The following XRN1 variants were observed in gnomAD, a reference collection of about 807,000 sequenced individuals.
XRN1 encodes the protein 5'-3' exoribonuclease 1, also known as strand-exchange protein 1 homolog.
Under a neutral mutation model 222.3 loss-of-function variants are expected in XRN1, and 67 were observed. The observed-to-expected ratio is 0.30, with a 90% CI of 0.25 to 0.37. XRN1 has a LOEUF of 0.37. Ranked by LOEUF, XRN1 falls within the 10% of genes least tolerant of loss-of-function variation. The probability of loss-of-function intolerance (pLI) is 1.00; values close to 1 mark genes in which losing one functional copy is unlikely to be tolerated. For missense variants in XRN1, 1,707 were observed against 2,000.2 expected, an observed-to-expected ratio of 0.85 and a Z score of 2.80; for synonymous variants, 643 against 652.4, an observed-to-expected ratio of 0.99 and a Z score of 0.22.
At chr3:142,370,352 C>A (rs1480521197) in intron 27 of XRN1, 133 bp downstream of exon 27, 1 of 1,153,794 alleles carries the variant, frequency 8.7e-7, no homozygotes, top group African/African-American at 1.6e-5. Context: ...TTTTAAATTA[C>A]AGGATTATTT....
chr3:142,442,654 A>G (rs1282551946), intron 1 of XRN1, among the ~76,000 whole-genome samples: 2 of 152,264 alleles, frequency 1.3e-5, no homozygotes, highest in Middle Eastern at 3.2e-3. Context: ...AAAACTATCA[A>G]GCAGATAGTT....
In XRN1 at chr3:142,447,986, C is replaced by A. The variant is rs1255408965; in HGVS notation, c.-42G>T. ...AATCCCAGTCAGGGCCAAACCGAAA[C>A]CAAACGCCCCGCCGGGGCTCCGCCG... On this transcript the variant is annotated 5_prime_UTR_variant, in exon 1 of 41. Transcript: ENST00000392981. This position sits in a 1 kb window ranked among gnomAD's most constrained non-coding sequence, Gnocchi z 4.2. 6.2e-7 allele frequency: 1 copy of A among 1,602,322 alleles called. No individual in the cohort carries two copies. Among genetic ancestry groups the A allele is most frequent in the African/African-American group, 1.3e-5 (1 of 74,434 alleles).
Position 142,436,937 on chromosome 3 carries a change from G to A in XRN1, c.76-4044C>T, listed in dbSNP as rs1032364793. On this transcript the variant is annotated intron_variant, in intron 1 of 40. Transcript: ENST00000392981. ...TATACAATAATTTTTATATTTTTCC[G>A]CATTATCTGAATTTTTTAAAATAAT... 3.9e-5 allele frequency among the ~76,000 whole-genome samples: 6 copies of A among 151,908 alleles called. No homozygotes were observed. In the East Asian group the frequency reaches 5.8e-4, roughly 15 times the overall value.
chr3:142,324,731 A>G (rs901687300), intron 37 of XRN1, among the ~76,000 whole-genome samples: 6 of 151,744 alleles, frequency 4.0e-5, no homozygotes, highest in Non-Finnish European at 8.8e-5. Flanking sequence ...AAGTGTTCCT[A>G]TTTCCCCATA....
At chr3:142,443,281 G>A (rs1473884593) in intron 1 of XRN1, among the ~76,000 whole-genome samples, 3 of 152,078 alleles carry the variant, frequency 2.0e-5, no homozygotes, top group East Asian at 3.9e-4. Flanking sequence ...AGCAGTCATC[G>A]GCCAACCTCC....
chr3:142,328,717 A>G (rs1254870821), intron 37 of XRN1, among the ~76,000 whole-genome samples: 253 of 4,838 alleles, frequency 0.052, 26 homozygotes, highest in African/African-American at 0.28. Context: ...ATATATATAT[A>G]TATATATATA....
chr3:142,337,176 A>C (rs1027899319), intron 33 of XRN1, among the ~76,000 whole-genome samples: 4 of 152,130 alleles, frequency 2.6e-5, no homozygotes, highest in Non-Finnish European at 5.9e-5. Context: ...TGCATAGTTC[A>C]TGCCTTCCTG....
Position 142,311,707 on chromosome 3 carries a change from A to G in XRN1, c.4889T>C (p.Val1630Ala), listed in dbSNP as rs1219307488. Residue 1630 changes from valine (V) to alanine (A), a missense_variant, in exon 41 of 41, where the codon GTC (valine) becomes GCC (alanine). Around this residue, in one of 2 missense-constraint regions of XRN1, gnomAD observed 473 missense variants for 482.0 expected, o/e 0.98. Transcript: ENST00000392981. ...TGAGCTCTCCCGTGGACTTACTTTG[A>G]CAATGTTGGAAGAATCTGGCTGGCT... is the stretch of plus-strand genomic sequence containing the variant. Reference protein sequence around the residue: ...QTSQPDSSNIVKVSPRESSSA... With the variant: ...QTSQPDSSNIAKVSPRESSSA... 12 of 1,614,068 alleles carry G rather than the reference A, an allele frequency of 7.4e-6. No homozygotes were observed. The highest frequency in any genetic ancestry group is 1.3e-5 in the African/African-American group (1 of 74,938).
chr3:142,342,461 C>A (rs1321012086), intron 33 of XRN1, among the ~76,000 whole-genome samples: 1 of 152,046 alleles, frequency 6.6e-6, no homozygotes, highest in African/African-American at 2.4e-5. Flanking sequence ...TTACATGGAA[C>A]CACAAAAACC....
intron 37 of XRN1, among the ~76,000 whole-genome samples, chr3:142,327,694 C>T (rs2065559399): frequency 6.6e-6 from 1 of 152,092 alleles, no homozygotes; most frequent in African/African-American, 2.4e-5. Context: ...TTTGTATAAA[C>T]GTAAGGGGTG....
rs1315557902 is a variant in XRN1 at position 142,447,364 on chromosome 3, C to G, written c.75+506G>C. 6.6e-6 allele frequency among the ~76,000 whole-genome samples: 1 copy of G among 152,142 alleles called. No individual in the cohort carries two copies. Among genetic ancestry groups the G allele is most frequent in the African/African-American group, 2.4e-5 (1 of 41,426 alleles). ...TCACCAATATGACCATCAGCCACGTCGGAAAGTCTAGGCTCCGGGGGCCGG... is the reference window on the plus strand; with the variant it reads ...TCACCAATATGACCATCAGCCACGTGGGAAAGTCTAGGCTCCGGGGGCCGG... On this transcript the variant is annotated intron_variant, in intron 1 of 40. Transcript: ENST00000392981. This position sits in a 1 kb window ranked among gnomAD's most constrained non-coding sequence, Gnocchi z 4.2.
chr3:142,413,244 C>T (rs1400998462), intron 14 of XRN1, among the ~76,000 whole-genome samples: 2 of 152,156 alleles, frequency 1.3e-5, no homozygotes, highest in Non-Finnish European at 2.9e-5. Context: ...GCAGTATACT[C>T]TCAGGGTAAT....
intron 19 of XRN1, among the ~76,000 whole-genome samples, chr3:142,399,836 T>G (rs878937717): frequency 6.7e-6 from 1 of 149,296 alleles, no homozygotes; most frequent in South Asian, 2.1e-4. Context: ...GTGTAATAAC[T>G]CAAAATCAAA....
At chr3:142,395,124 C>T (rs1320830059) in intron 20 of XRN1, among the ~76,000 whole-genome samples, 1 of 152,182 alleles carries the variant, frequency 6.6e-6, no homozygotes, top group African/African-American at 2.4e-5. Context: ...ATGCTACTAA[C>T]ATTCTAATGT....
chr3:142,378,558 A>T (rs565815393), intron 23 of XRN1, among the ~76,000 whole-genome samples: 5 of 152,302 alleles, frequency 3.3e-5, no homozygotes, highest in African/African-American at 9.6e-5. Flanking sequence ...TAAACAATAA[A>T]GTTGAATGAA....
At chr3:142,360,006 G>A in intron 29 of XRN1, 75 bp from the exon 30 acceptor site, 3 of 941,574 alleles carry the variant, frequency 3.2e-6, no homozygotes, top group South Asian at 3.5e-5. Context: ...TTTTTGGAGT[G>A]TTTGGAAGTA....
In XRN1 at chr3:142,356,944, G is replaced by C. The variant is rs750616001; in HGVS notation, c.3640C>G (p.His1214Asp). ...GGAACAAAAAGTGATTGAGGGGAAT[G>C]GTTGAGGGCTCCCAAATGCCCAGAG... ...VSSGHLGALN[H>D]SPQSLFVPTQ... is the part of the protein sequence containing the mutation. Residue 1214 changes from histidine to aspartate, a missense_variant, in exon 31 of 41, where the codon CAT (histidine) becomes GAT (aspartate). Around this residue, in one of 2 missense-constraint regions of XRN1, gnomAD observed 1,234 missense variants for 1,518.2 expected, o/e 0.81. Transcript: ENST00000392981. 1 of 1,614,082 alleles carries C rather than the reference G, an allele frequency of 6.2e-7. No homozygotes were observed. The highest frequency in any genetic ancestry group is 8.5e-7 in the Non-Finnish European group (1 of 1,179,982).
intron 37 of XRN1, among the ~76,000 whole-genome samples, chr3:142,319,619 A>G (rs1304838369): frequency 6.6e-6 from 1 of 152,038 alleles, no homozygotes; most frequent in Non-Finnish European, 1.5e-5. Flanking sequence ...CCATTGCCTG[A>G]TTAGTATACA....
intron 37 of XRN1, among the ~76,000 whole-genome samples, chr3:142,319,395 ATAAGT>A (rs1048812435): frequency 1.6e-4 from 25 of 152,328 alleles, no homozygotes; most frequent in Admixed American, 8.5e-4. Context: ...TTTTGGTAAG[ATAAGT>A]TAATTGCCAA....
Sources: gnomAD v4.1 joint callset for allele counts (sites outside exome capture counted in the v4.1 genomes callset) on GRCh38, gnomAD v4.1.1 for gene constraint, gnomAD v4.1.1 regional missense constraint, Gnocchi (gnomAD v3.1) non-coding constraint, MANE v1.5 for transcripts, NCBI Gene and HGNC (gene_info 2026-07-23, HGNC 2026-07-21) for gene names.